Variants in ITGAL observed in about 807,000 individuals in gnomAD.
The protein encoded by ITGAL is integrin subunit alpha L, also known as integrin alpha-L.
In ITGAL, 68 loss-of-function variants were observed where a neutral mutation model predicts 138.4. The observed-to-expected ratio is 0.49, with a 90% CI of 0.40 to 0.60. The LOEUF is 0.60. Among genes scored for constraint, ITGAL ranks in the 20% least tolerant of loss-of-function variants. ITGAL has a pLI of 0.00. For missense variants in ITGAL, 1,256 were observed against 1,478.6 expected, an observed-to-expected ratio of 0.85 and a Z score of 2.47; for synonymous variants, 561 against 584.3, an observed-to-expected ratio of 0.96 and a Z score of 0.57.
At chr16:30,520,168 C>T (rs1485713972) in intron 30 of ITGAL, among the ~76,000 whole-genome samples, 1 of 152,200 alleles carries the variant, frequency 6.6e-6, no homozygotes, top group Non-Finnish European at 1.5e-5. Context: ...GGTGCAGTGG[C>T]TCATACCTGT....
chr16:30,518,104 T>A (rs1324391435), intron 28 of ITGAL, among the ~76,000 whole-genome samples: 2 of 152,174 alleles, frequency 1.3e-5, no homozygotes, highest in East Asian at 1.9e-4. Context: ...AGTTCCTGTG[T>A]GTTCTTTATA....
At chr16:30,479,657 T>C (rs2050525818) in intron 6 of ITGAL, among the ~76,000 whole-genome samples, 196 bp downstream of exon 6, 1 of 63,224 alleles carries the variant, frequency 1.6e-5, no homozygotes, top group Non-Finnish European at 3.8e-5. Context: ...CCTTTTTTTT[T>C]TTTTTTTTTT....
intron 24 of ITGAL, 37 bp from the exon 25 acceptor site, chr16:30,513,734 A>G (rs2051124570): frequency 1.3e-6 from 2 of 1,549,280 alleles, no homozygotes; most frequent in Admixed American, 3.3e-5. Flanking sequence ...GGTTGCTGTC[A>G]CTTCGTTCTT....
chr16:30,493,980 A>G (rs550823309), intron 11 of ITGAL, among the ~76,000 whole-genome samples: 1 of 152,182 alleles, frequency 6.6e-6, no homozygotes, highest in South Asian at 2.1e-4. Context: ...TGTTGTGCAT[A>G]GCTGCTTTTC....
intron 17 of ITGAL, among the ~76,000 whole-genome samples, chr16:30,501,577 CAAAA>C (rs56687910): frequency 1.7e-5 from 2 of 117,552 alleles, no homozygotes; most frequent in Non-Finnish European, 3.7e-5. Flanking sequence ...AACTCCATCT[CAAAA>C]AAAAAAAAAA....
intron 1 of ITGAL, chr16:30,473,992 A>C (rs1319547820): frequency 1.5e-6 from 1 of 689,036 alleles, no homozygotes; most frequent in Admixed American, 2.0e-5. Flanking sequence ...TTGTATCCTC[A>C]GGCCCTGGGA....
chr16:30,486,589 AG>A (rs2050650016), intron 9 of ITGAL, among the ~76,000 whole-genome samples: 1 of 152,186 alleles, frequency 6.6e-6, no homozygotes, highest in South Asian at 2.1e-4. Flanking sequence ...AATGTGAGAA[AG>A]GTGGAATGAG....
At chr16:30,518,950 G>A (rs983931486) in intron 29 of ITGAL, among the ~76,000 whole-genome samples, 5 of 152,182 alleles carry the variant, frequency 3.3e-5, no homozygotes, top group South Asian at 2.1e-4. Flanking sequence ...GAGGCCGGGC[G>A]CAGTAGCTCA....
At chr16:30,496,612 C>G (rs746365120) in intron 15 of ITGAL, 46 bp downstream of exon 15, 2 of 1,513,254 alleles carry the variant, frequency 1.3e-6, no homozygotes, top group Non-Finnish European at 1.8e-6. Flanking sequence ...CAGCTCTTAT[C>G]CTGTTTTGTT....
intron 9 of ITGAL, among the ~76,000 whole-genome samples, chr16:30,488,194 CAAA>C (rs553242288): frequency 3.8e-5 from 4 of 105,534 alleles, no homozygotes; most frequent in Admixed American, 1.0e-4. Flanking sequence ...GACCCTGTCT[CAAA>C]AAAAAAAAAA....
At position 30,482,789 on chromosome 16, in the gene ITGAL, C is replaced by T. The variant is rs117079591; in HGVS notation, c.723-1038C>T. ...CCAGCAAGAGCTATGGCCAACCCAA[C>T]TTGCTCAGAGGAAGGCTGTGGGCAA... On this transcript the variant is annotated intron_variant, in intron 7 of 30. Transcript: ENST00000356798. Among the ~76,000 whole-genome samples the T allele has an allele frequency of 4.9e-4, 74 of 152,152 alleles. No individual in the cohort carries two copies. In the East Asian group the frequency reaches 0.013, roughly 27 times the overall value.
chr16:30,517,334 C>A (rs528685032), intron 26 of ITGAL, among the ~76,000 whole-genome samples: 6 of 152,132 alleles, frequency 3.9e-5, no homozygotes, highest in Admixed American at 2.6e-4. Context: ...GGCCCGTGCC[C>A]GTGGTCTCAG....
intron 30 of ITGAL, among the ~76,000 whole-genome samples, chr16:30,520,592 A>C (rs1205498304): frequency 6.6e-6 from 1 of 152,240 alleles, no homozygotes; most frequent in Non-Finnish European, 1.5e-5. Flanking sequence ...ACACAGAGGC[A>C]CATGCCACAA....
At chr16:30,517,948 G>C in intron 28 of ITGAL, 53 bp downstream of exon 28, 1 of 1,443,680 alleles carries the variant, frequency 6.9e-7, no homozygotes, top group Non-Finnish European at 9.7e-7. Context: ...CCAATGCCTG[G>C]GGCCGTTGTG....
In ITGAL at chr16:30,511,152, C is replaced by T. The variant is rs1438979195; in HGVS notation, c.2786+16C>T. The T allele has an allele frequency of 6.3e-7, 1 of 1,596,220 alleles. No homozygotes were observed. The highest frequency in any genetic ancestry group is 8.6e-7 in the Non-Finnish European group (1 of 1,163,836). ...TCATCCAGGAGTAAGTTCTTCCCAG[C>T]AGACAGCCAACCCTCTCCTCCCACC... is the stretch of plus-strand genomic sequence containing the variant. On this transcript the variant is annotated intron_variant, in intron 24 of 30. Transcript: ENST00000356798.
chr16:30,497,651 G>A (rs1250142715), intron 15 of ITGAL, among the ~76,000 whole-genome samples: 1 of 151,514 alleles, frequency 6.6e-6, no homozygotes, highest in Non-Finnish European at 1.5e-5. Flanking sequence ...TAATTTTTTT[G>A]TATTTTTAGT....
chr16:30,473,810 T>C (rs575045016), intron 1 of ITGAL, among the ~76,000 whole-genome samples: 7 of 152,280 alleles, frequency 4.6e-5, no homozygotes, highest in Admixed American at 2.6e-4. Context: ...CTGGGCCCCA[T>C]GACCGCAGGA....
In ITGAL at chr16:30,510,961, G is replaced by C; in HGVS notation, c.2699+1G>C. ...TTGAATTGCACGCCAATGTGACCTG[G>C]TGAGCAGGCCCCGCCCACATCCCTG... On this transcript the variant is annotated splice_donor_variant, in intron 23 of 30. Transcript: ENST00000356798. LOFTEE classifies it high-confidence loss of function. 1 of 1,613,942 alleles carries C rather than the reference G, an allele frequency of 6.2e-7. No homozygotes were observed. Among genetic ancestry groups the C allele is most frequent in the Non-Finnish European group, 8.5e-7 (1 of 1,179,954 alleles).
rs759987966 is a variant in ITGAL, at chr16:30,521,535, G to C, written c.3383G>C (p.Gly1128Ala). Residue 1128 changes from glycine to alanine, a missense_variant, in exon 31 of 31, where the codon GGC becomes GCC. Gly to Ala is a moderately conservative substitution (Grantham distance 60, BLOSUM62 0). Transcript: ENST00000356798. Reference sequence around the variant, plus strand: ...AACCTGAAGGAGAAGATGGAGGCTGGCAGAGGTGTCCCGAATGGAATCCCT... The same window carrying C: ...AACCTGAAGGAGAAGATGGAGGCTGCCAGAGGTGTCCCGAATGGAATCCCT... ...KRNLKEKMEA[G>A]RGVPNGIPAE... The C allele has an allele frequency of 1.2e-6, 2 of 1,614,114 alleles. No homozygotes were observed. Among genetic ancestry groups the C allele is most frequent in the African/African-American group, 1.3e-5 (1 of 74,928 alleles).
Sources: allele counts gnomAD v4.1 joint callset (sites outside exome capture counted in the v4.1 genomes callset), GRCh38; gene constraint gnomAD v4.1.1; transcripts MANE v1.5; gene names NCBI Gene and HGNC (gene_info 2026-07-23, HGNC 2026-07-21).